Variants in PARD6G observed in about 807,000 individuals in gnomAD.
PARD6G encodes par-6 family cell polarity regulator gamma.
Under a neutral mutation model 10.7 loss-of-function variants are expected in PARD6G, and 7 were observed. The observed-to-expected ratio is 0.66, with a 90% CI of 0.37 to 1.23. The LOEUF (loss-of-function observed/expected upper bound fraction) is 1.23, where lower values mean the gene tolerates loss of function less well. Among genes scored for constraint, PARD6G ranks in the 50% most tolerant of loss-of-function variants. The pLI, the probability that PARD6G is intolerant of heterozygous loss-of-function variation, is 0.02. For missense variants in PARD6G, 548 were observed against 571.8 expected (o/e 0.96, Z 0.42); for synonymous variants, 287 against 269.4 (o/e 1.07, Z -0.64).
chr18:80,247,210 C>T lies in PARD6G; in HGVS notation c.72+67G>A, dbSNP rs558106425. 3.0e-6 allele frequency: 4 copies of T among 1,350,154 alleles called. No individual in the cohort carries two copies. The African/African-American group carries it at 4.5e-5, about 15-fold the overall frequency. 83.6% of individuals were successfully genotyped at this position (1,350,154 alleles called of 1,614,324 possible). A position where few individuals can be genotyped will look rare whatever the true frequency, so the allele number is the denominator to read the frequency against. On this transcript the variant is annotated intron_variant, in intron 1 of 2. Coordinates refer to ENST00000353265, the MANE Select transcript of PARD6G (RefSeq NM_032510.4). This position sits in a 1 kb window ranked among gnomAD's most constrained non-coding sequence, Gnocchi z 4.2. ...CCTCCACGCCGCCCCAGTCCCCCTCCGCGGGGCGCCCCATTCATTAGCCAG... is the reference window on the plus strand; with the variant it reads ...CCTCCACGCCGCCCCAGTCCCCCTCTGCGGGGCGCCCCATTCATTAGCCAG...
chr18:80,198,920 C>G (rs1966982525), intron 2 of PARD6G, among the ~76,000 whole-genome samples: 1 of 152,152 alleles, frequency 6.6e-6, no homozygotes, highest in Admixed American at 6.5e-5. Flanking sequence ...AAACTTCACC[C>G]ATTTAAAGTG....
At chr18:80,233,021 C>T (rs867601460) in intron 1 of PARD6G, among the ~76,000 whole-genome samples, 1 of 152,072 alleles carries the variant, frequency 6.6e-6, no homozygotes, top group Non-Finnish European at 1.5e-5. Flanking sequence ...AGTGGGGCCT[C>T]CTCAACAGTG....
At chr18:80,160,629 A>C in intron 2 of PARD6G, 23 bp from the exon 3 acceptor site, 1 of 1,434,452 alleles carries the variant, frequency 7.0e-7, no homozygotes, top group Non-Finnish European at 9.1e-7. Context: ...GGACAGTTAG[A>C]GGGGACACAC....
In PARD6G at chr18:80,181,324, G is replaced by A. The variant is rs1329595979; in HGVS notation, c.296-20718C>T. Among the ~76,000 whole-genome samples the A allele has an allele frequency of 2.6e-5, 4 of 152,200 alleles. No individual in the cohort carries two copies. Among genetic ancestry groups the A allele is most frequent in the African/African-American group, 7.2e-5 (3 of 41,438 alleles). ...GTCAGCCGATGTCCCCAGCTGGGAT[G>A]TCTGCGGAAGCTGTGGTCCCGATGC... On this transcript the variant is annotated intron_variant, in intron 2 of 2. Transcript: ENST00000353265. The surrounding 1 kb of genome is among the most constrained non-coding windows in gnomAD (Gnocchi z 7.9).
chr18:80,191,405 C>A (rs1168709589), intron 2 of PARD6G, among the ~76,000 whole-genome samples: 3 of 152,120 alleles, frequency 2.0e-5, no homozygotes, highest in Non-Finnish European at 1.5e-5. Context: ...CTTTATCAAC[C>A]TAGAGGAAAA....
Position 80,160,490 on chromosome 18 carries a change from G to A in PARD6G, c.412C>T (p.Arg138Cys), listed in dbSNP as rs776972451. The A allele has an allele frequency of 3.2e-5, 49 of 1,547,130 alleles. No homozygotes were observed. The African/African-American group carries it at 5.2e-4, about 16-fold the overall frequency. ...RRAHLDIGLPRDFRPVSSIID... is the reference protein window; with the variant it reads ...RRAHLDIGLPCDFRPVSSIID... ...ATGGATGATACGGGGCGGAAGTCGC[G>A]CGGGAGGCCGATGTCCAGGTGTGCA... Residue 138 changes from arginine to cysteine, a missense_variant, in exon 3 of 3, where the codon CGC (arginine) becomes TGC (cysteine). Physicochemically the swap from Arg to Cys is radical, Grantham distance 180. Around this residue, in one of 2 missense-constraint regions of PARD6G, gnomAD observed 235 missense variants for 291.9 expected, o/e 0.81. Coordinates refer to ENST00000353265, the MANE Select transcript of PARD6G (RefSeq NM_032510.4).
chr18:80,179,116 A>G (rs1272166412), intron 2 of PARD6G, among the ~76,000 whole-genome samples: 2 of 152,028 alleles, frequency 1.3e-5, no homozygotes, highest in African/African-American at 4.8e-5. Flanking sequence ...ACACCTCCCG[A>G]CGCATCAGCT....
intron 1 of PARD6G, among the ~76,000 whole-genome samples, chr18:80,227,393 C>T (rs559791013): frequency 3.2e-4 from 48 of 152,334 alleles, no homozygotes; most frequent in African/African-American, 1.1e-3. Flanking sequence ...TGAGTCCCAC[C>T]AGTCCGGCCC....
rs968640359 is a variant in PARD6G at position 80,159,215 on chromosome 18, C to T, written c.*556G>A. The stretch of plus-strand genomic sequence containing the variant: ...ATGTTGGCCATGCTGGTCTCGACCT[C>T]CTGACCTCGTGATCAGCCCACGTAG... On this transcript the variant is annotated 3_prime_UTR_variant, in exon 3 of 3. Coordinates refer to ENST00000353265, the MANE Select transcript of PARD6G (RefSeq NM_032510.4). 4 of 152,150 alleles carry T rather than the reference C, an allele frequency of 2.6e-5. No individual in the cohort carries two copies. Among genetic ancestry groups the T allele is most frequent in the Non-Finnish European group, 4.4e-5 (3 of 68,036 alleles). 9.4% of individuals were successfully genotyped at this position (152,150 alleles called of 1,614,324 possible).
chr18:80,219,022 A>C (rs1171561468), intron 1 of PARD6G, among the ~76,000 whole-genome samples: 1 of 152,186 alleles, frequency 6.6e-6, no homozygotes, highest in Admixed American at 6.5e-5. Context: ...GTAGCCCTGG[A>C]CCTGGCCCAG....
rs190308034 is a variant in PARD6G, at chr18:80,196,850, C to T, written c.295+5860G>A. 2.4e-3 allele frequency among the ~76,000 whole-genome samples: 361 copies of T among 148,590 alleles called. 2 individuals carry two copies. Among genetic ancestry groups the T allele is most frequent in the Admixed American group, 3.7e-3 (54 of 14,774 alleles). Reference sequence around the variant, plus strand: ...CGCGGCTGCAGGAATTTCATCTTCTCCACATTCCCACGGTGGAGTGGGAGA... The same window carrying T: ...CGCGGCTGCAGGAATTTCATCTTCTTCACATTCCCACGGTGGAGTGGGAGA... On this transcript the variant is annotated intron_variant, in intron 2 of 2. Transcript: ENST00000353265.
chr18:80,216,662 A>G (rs1234369634), intron 1 of PARD6G, among the ~76,000 whole-genome samples: 2 of 152,170 alleles, frequency 1.3e-5, no homozygotes, highest in Non-Finnish European at 2.9e-5. Context: ...CTATATTTAA[A>G]AAGAAAGATT....
At chr18:80,186,047 C>A (rs1164742428) in intron 2 of PARD6G, among the ~76,000 whole-genome samples, 2 of 148,054 alleles carry the variant, frequency 1.4e-5, no homozygotes, top group African/African-American at 5.0e-5. Flanking sequence ...CTCGCACACC[C>A]TCACACGCAT....
chr18:80,162,390 A>C (rs545025346), intron 2 of PARD6G: 1 of 163,926 alleles, frequency 6.1e-6, no homozygotes, highest in Non-Finnish European at 1.5e-5. Context: ...ACAAAAATAA[A>C]AAAATAAAAT....
At chr18:80,186,233 C>CGCAT (rs1305556875) in intron 2 of PARD6G, among the ~76,000 whole-genome samples, 1 of 149,598 alleles carries the variant, frequency 6.7e-6, no homozygotes, top group African/African-American at 2.5e-5. Flanking sequence ...CACACCCTCA[C>CGCAT]GCATGCATGC....
intron 1 of PARD6G, among the ~76,000 whole-genome samples, chr18:80,218,071 C>A (rs901105908): frequency 6.6e-6 from 1 of 152,150 alleles, no homozygotes; most frequent in Admixed American, 6.5e-5. Context: ...ATAGGAACTA[C>A]AATTCAAGAT....
At chr18:80,185,774 CCT>C (rs58065760) in intron 2 of PARD6G, among the ~76,000 whole-genome samples, 37,032 of 138,122 alleles carry the variant, frequency 0.27, 6,077 homozygotes, top group Non-Finnish European at 0.39. Flanking sequence ...ATGCATATAC[CCT>C]GACATGCTCG....
chr18:80,243,933 G>A (rs1323067151), intron 1 of PARD6G, among the ~76,000 whole-genome samples: 3 of 152,150 alleles, frequency 2.0e-5, no homozygotes, highest in African/African-American at 2.4e-5. Flanking sequence ...ACACTGCTGG[G>A]AGCGGGGATG....
At position 80,157,769 on chromosome 18, in the gene PARD6G, A is replaced by C. The variant is rs562591398; in HGVS notation, c.*2002T>G. 1 of 152,318 alleles carries C rather than the reference A, an allele frequency of 6.6e-6. No individual in the cohort carries two copies. Among genetic ancestry groups the C allele is most frequent in the Admixed American group, 6.5e-5 (1 of 15,302 alleles). The allele number at this position is 152,318 out of a possible 1,614,324, so 9.4% of individuals were successfully genotyped here. Reference sequence around the variant, plus strand: ...ATCCATTGCATACAAATAACATCAAACACAGGTGCAGGAATTCACAACTCC... The same window carrying C: ...ATCCATTGCATACAAATAACATCAACCACAGGTGCAGGAATTCACAACTCC... On this transcript the variant is annotated 3_prime_UTR_variant, in exon 3 of 3. Transcript: ENST00000353265.
Sources: allele counts gnomAD v4.1 joint callset (sites outside exome capture counted in the v4.1 genomes callset), GRCh38; gene constraint gnomAD v4.1.1; regional missense constraint gnomAD v4.1.1; non-coding constraint Gnocchi (gnomAD v3.1); transcripts MANE v1.5; gene names NCBI Gene and HGNC (gene_info 2026-07-23, HGNC 2026-07-21).